TMEM117: variants seen among roughly 807,000 people sequenced by gnomAD.
The protein encoded by TMEM117 is transmembrane protein 117.
In TMEM117, 27 loss-of-function variants were observed where a neutral mutation model predicts 52.4. The observed-to-expected ratio is 0.51, with a 90% CI of 0.38 to 0.71. The LOEUF (loss-of-function observed/expected upper bound fraction) is 0.71. Among genes scored for constraint, TMEM117 ranks in the 30% least tolerant of loss-of-function variants. TMEM117 has a pLI of 0.00. For synonymous variants in TMEM117, 215 were observed against 206.3 expected (o/e 1.04, Z -0.36); for missense variants, 556 against 630.5 (o/e 0.88, Z 1.26).
chr12:43,960,766 A>G (rs534496130), intron 3 of TMEM117, among the ~76,000 whole-genome samples: 1 of 152,336 alleles, frequency 6.6e-6, no homozygotes, highest in East Asian at 1.9e-4. Flanking sequence ...ATAGAGCAAA[A>G]ATAATGCGGA....
intron 2 of TMEM117, among the ~76,000 whole-genome samples, chr12:43,940,146 C>G (rs908062597): frequency 5.3e-5 from 8 of 152,164 alleles, no homozygotes; most frequent in Admixed American, 3.3e-4. Context: ...GTAGTCATCC[C>G]CAAATGAGGC....
At chr12:44,297,259 C>T (rs1359982023) in intron 5 of TMEM117, among the ~76,000 whole-genome samples, 1 of 152,092 alleles carries the variant, frequency 6.6e-6, no homozygotes, top group Non-Finnish European at 1.5e-5. Flanking sequence ...ATTTTTAGAC[C>T]TATGAAGTAA....
At chr12:44,013,896 G>C (rs1946333409) in intron 3 of TMEM117, among the ~76,000 whole-genome samples, 2 of 152,172 alleles carry the variant, frequency 1.3e-5, no homozygotes, top group South Asian at 2.1e-4. Context: ...TGATTTTTCA[G>C]ATCACTCAGC....
intron 2 of TMEM117, among the ~76,000 whole-genome samples, chr12:43,914,994 A>G (rs1205351967): frequency 3.3e-5 from 5 of 152,154 alleles, no homozygotes; most frequent in East Asian, 1.9e-4. Context: ...GATTTACCCA[A>G]GAACCCCTGA....
At chr12:44,368,693 G>C (rs1164767030) in intron 6 of TMEM117, among the ~76,000 whole-genome samples, 2 of 152,054 alleles carry the variant, frequency 1.3e-5, no homozygotes, top group Non-Finnish European at 2.9e-5. Flanking sequence ...ACAGATACTG[G>C]AGCAGTGACA....
At chr12:44,345,163 G>A (rs1951468424) in intron 6 of TMEM117, among the ~76,000 whole-genome samples, 1 of 152,054 alleles carries the variant, frequency 6.6e-6, no homozygotes, top group Non-Finnish European at 1.5e-5. Flanking sequence ...GGGATAACAT[G>A]GTGGAAAGGG....
the TMEM117 span, chr12:43,805,934 A>T: frequency 1.6e-5 from 25 of 1,524,818 alleles, no homozygotes; most frequent in East Asian, 2.6e-5. Context: ...GGACGGTGGA[A>T]GGCACGCCCC....
chr12:44,314,264 A>G (rs980132778), intron 6 of TMEM117, among the ~76,000 whole-genome samples: 1 of 151,986 alleles, frequency 6.6e-6, no homozygotes, highest in African/African-American at 2.4e-5. Flanking sequence ...TTTTTGATGT[A>G]TGTTCCTTCA....
intron 5 of TMEM117, among the ~76,000 whole-genome samples, chr12:44,244,007 C>T (rs1046472708): frequency 6.6e-6 from 1 of 151,828 alleles, no homozygotes; most frequent in Non-Finnish European, 1.5e-5. Flanking sequence ...ATATACATTT[C>T]CTTTATCCTT....
intron 3 of TMEM117, among the ~76,000 whole-genome samples, chr12:44,116,759 C>G (rs1278504195): frequency 6.6e-6 from 1 of 152,142 alleles, no homozygotes; most frequent in Non-Finnish European, 1.5e-5. Flanking sequence ...TTCTTTTAAC[C>G]CCATCTTTTT....
intron 5 of TMEM117, among the ~76,000 whole-genome samples, chr12:44,235,699 C>T (rs953535503): frequency 6.6e-6 from 1 of 151,652 alleles, no homozygotes; most frequent in Non-Finnish European, 1.5e-5. Flanking sequence ...CATTTTCCAT[C>T]ATTCCTTCTG....
At chr12:44,193,622 A>G (rs1949383082) in intron 4 of TMEM117, among the ~76,000 whole-genome samples, 1 of 152,218 alleles carries the variant, frequency 6.6e-6, no homozygotes, top group African/African-American at 2.4e-5. Flanking sequence ...ACCTTAAATA[A>G]AAAAGGTGCT....
chr12:44,135,083 G>C (rs1305789440), intron 3 of TMEM117, among the ~76,000 whole-genome samples: 3 of 151,950 alleles, frequency 2.0e-5, no homozygotes, highest in African/African-American at 7.3e-5. Context: ...CAGATTACAG[G>C]GGATAAAACT....
chr12:43,994,975 C>T, intron 3 of TMEM117, among the ~76,000 whole-genome samples: 1 of 152,020 alleles, frequency 6.6e-6, no homozygotes, highest in East Asian at 1.9e-4. Context: ...AAAATTGAAG[C>T]TTCAGAAATT....
chr12:43,820,256 C>A, the TMEM117 span, among the ~76,000 whole-genome samples: 7 of 152,106 alleles, frequency 4.6e-5, no homozygotes, highest in African/African-American at 1.7e-4. Flanking sequence ...CGCCACCACG[C>A]CCAACTAATT....
intron 3 of TMEM117, among the ~76,000 whole-genome samples, chr12:44,008,018 C>T (rs1946228438): frequency 6.6e-6 from 1 of 152,146 alleles, no homozygotes; most frequent in Non-Finnish European, 1.5e-5. Flanking sequence ...TAAATACAGG[C>T]CTCCCCTTAG....
intron 3 of TMEM117, among the ~76,000 whole-genome samples, chr12:44,036,752 G>T (rs1426457178): frequency 6.6e-6 from 1 of 152,036 alleles, no homozygotes; most frequent in African/African-American, 2.4e-5. Context: ...AAATTCTAAG[G>T]TTATATGTTA....
intron 3 of TMEM117, among the ~76,000 whole-genome samples, chr12:44,097,741 G>T (rs1252237322): frequency 7.4e-6 from 1 of 134,244 alleles, no homozygotes; most frequent in Non-Finnish European, 1.5e-5. Context: ...GGGAGGGATA[G>T]CATTAGGAGA....
chr12:44,010,295 T>C (rs1368841112), intron 3 of TMEM117: 1 of 453,688 alleles, frequency 2.2e-6, no homozygotes, highest in African/African-American at 2.0e-5. Context: ...TGGAGGCCAC[T>C]TTCCTCTTTC....
Sources: allele counts gnomAD v4.1 joint callset (sites outside exome capture counted in the v4.1 genomes callset), GRCh38; gene constraint gnomAD v4.1.1; transcripts MANE v1.5; gene names NCBI Gene and HGNC (gene_info 2026-07-23, HGNC 2026-07-21).